Variants in PLD5 observed in about 807,000 individuals in gnomAD.
The protein encoded by PLD5 is inactive phospholipase D5.
Under a neutral mutation model 61.1 loss-of-function variants are expected in PLD5, and 36 were observed. The observed-to-expected ratio is 0.59, with a 90% CI of 0.45 to 0.78. PLD5 has a LOEUF of 0.78. PLD5 is among the 30% of genes least tolerant of loss of function. The pLI is 0.00. For synonymous variants in PLD5, 243 were observed against 242.8 expected, an observed-to-expected ratio of 1.00 and a Z score of -0.01; for missense variants, 515 against 644.4, an observed-to-expected ratio of 0.80 and a Z score of 2.17.
At chr1:242,303,182 G>T (rs1676160288) in intron 2 of PLD5, among the ~76,000 whole-genome samples, 1 of 152,188 alleles carries the variant, frequency 6.6e-6, no homozygotes, top group Non-Finnish European at 1.5e-5. Flanking sequence ...TGATAGAAAA[G>T]TTATAGCCAA....
chr1:242,340,577 T>C (rs1353031203), intron 2 of PLD5, among the ~76,000 whole-genome samples: 1 of 152,160 alleles, frequency 6.6e-6, no homozygotes. Context: ...TGGATATTTA[T>C]TGAAAATTTA....
In PLD5 at chr1:242,182,705, T is replaced by C. The variant is rs183621086; in HGVS notation, c.735+37283A>G. On this transcript the variant is annotated intron_variant, in intron 5 of 9. Transcript: ENST00000536534. ...TAAAAATACAAAAATTAGCCGGGCA[T>C]GGTGGCACACGCCCGAAATCCCAGC... Among the ~76,000 whole-genome samples the C allele has an allele frequency of 4.6e-5, 7 of 151,856 alleles. No individual in the cohort carries two copies. In the East Asian group the frequency reaches 1.2e-3, roughly 25 times the overall value.
chr1:242,174,734 T>C (rs1177106167), intron 5 of PLD5, among the ~76,000 whole-genome samples: 1 of 151,872 alleles, frequency 6.6e-6, no homozygotes, highest in Non-Finnish European at 1.5e-5. Flanking sequence ...AAATGATGAG[T>C]TCATGTCCTT....
At position 242,485,964 on chromosome 1, in the gene PLD5, A is replaced by T. The variant is rs148126977; in HGVS notation, c.189+38124T>A. On this transcript the variant is annotated intron_variant, in intron 1 of 9. Transcript: ENST00000536534. ...AACCTGACAAAAACAAGAAATGGGG[A>T]AAGGATTCCCTATTTAATAAATGGT... 8.3e-3 allele frequency among the ~76,000 whole-genome samples: 1,266 copies of T among 152,296 alleles called. 19 individuals are homozygous for T. Among genetic ancestry groups the T allele is most frequent in the African/African-American group, 0.029 (1,210 of 41,560 alleles).
chr1:242,516,474 T>C (rs973179605), intron 1 of PLD5, among the ~76,000 whole-genome samples: 3 of 152,056 alleles, frequency 2.0e-5, no homozygotes, highest in African/African-American at 7.2e-5. Flanking sequence ...TCATTTCACT[T>C]TCCAATTTAG....
chr1:242,490,585 C>G (rs1370213594), intron 1 of PLD5, among the ~76,000 whole-genome samples: 2 of 152,114 alleles, frequency 1.3e-5, no homozygotes, highest in African/African-American at 4.8e-5. Flanking sequence ...TGCATCAAAA[C>G]GTTCATTTAT....
Position 242,377,175 on chromosome 1 carries a change from A to AGAGAGAC in PLD5, c.190-28940_190-28934dup. Reference sequence around the variant, plus strand: ...GTGTACGATGAAGAGGTGTCTGGAGAGAGAGACGTGAGACGTGTAGCAGAG... The same window carrying AGAGAGAC: ...GTGTACGATGAAGAGGTGTCTGGAGAGAGAGACGAGAGACGTGAGACGTGTAGCAGAG... On this transcript the variant is annotated intron_variant, in intron 1 of 9. Transcript: ENST00000536534. 5.6e-6 allele frequency: 9 copies of AGAGAGAC among 1,611,568 alleles called. No homozygotes were observed. In the South Asian group the frequency reaches 8.8e-5, roughly 16 times the overall value.
chr1:242,205,082 G>A (rs527276108), intron 5 of PLD5, among the ~76,000 whole-genome samples: 23 of 152,264 alleles, frequency 1.5e-4, no homozygotes, highest in Admixed American at 1.4e-3. Flanking sequence ...CCGGGATAGA[G>A]ATTTTGAGAC....
chr1:242,441,696 C>A (rs987216958), intron 1 of PLD5, among the ~76,000 whole-genome samples: 1 of 151,990 alleles, frequency 6.6e-6, no homozygotes, highest in Non-Finnish European at 1.5e-5. Flanking sequence ...CAGACAGACA[C>A]CCCTCTTCCC....
intron 3 of PLD5, among the ~76,000 whole-genome samples, chr1:242,279,840 C>T (rs1171198068): frequency 6.6e-6 from 1 of 152,182 alleles, no homozygotes; most frequent in African/African-American, 2.4e-5. Flanking sequence ...CATCTCCTTT[C>T]TTCACCTAAA....
intron 5 of PLD5, among the ~76,000 whole-genome samples, chr1:242,161,130 C>G (rs915519441): frequency 5.3e-5 from 8 of 151,914 alleles, no homozygotes; most frequent in Non-Finnish European, 8.8e-5. Flanking sequence ...TCTGTTCTTA[C>G]GCTGCTAATA....
At chr1:242,173,703 T>C (rs755545752) in intron 5 of PLD5, among the ~76,000 whole-genome samples, 1 of 152,092 alleles carries the variant, frequency 6.6e-6, no homozygotes, top group Non-Finnish European at 1.5e-5. Flanking sequence ...AACAGAGATA[T>C]AGACCAATGG....
intron 2 of PLD5, among the ~76,000 whole-genome samples, chr1:242,312,634 G>A (rs546684409): frequency 3.9e-5 from 6 of 152,134 alleles, no homozygotes; most frequent in African/African-American, 1.2e-4. Flanking sequence ...ACTTTTAGCT[G>A]TCTGAGCTCC....
At chr1:242,305,332 A>G (rs1676288511) in intron 2 of PLD5, among the ~76,000 whole-genome samples, 1 of 152,160 alleles carries the variant, frequency 6.6e-6, no homozygotes, top group Non-Finnish European at 1.5e-5. Flanking sequence ...AACTGTAGTT[A>G]TTGTTATTTC....
At chr1:242,103,424 G>A (rs1351038939) in intron 8 of PLD5, among the ~76,000 whole-genome samples, 1 of 152,180 alleles carries the variant, frequency 6.6e-6, no homozygotes, top group South Asian at 2.1e-4. Context: ...CAACATGTAT[G>A]TTTTGAAAAC....
chr1:242,307,139 G>T (rs1185623759), intron 2 of PLD5, among the ~76,000 whole-genome samples: 1 of 152,142 alleles, frequency 6.6e-6, no homozygotes, highest in Non-Finnish European at 1.5e-5. Flanking sequence ...GGATTCTCCT[G>T]TATTTTAATA....
At chr1:242,310,090 G>T (rs956598255) in intron 2 of PLD5, among the ~76,000 whole-genome samples, 9 of 152,052 alleles carry the variant, frequency 5.9e-5, no homozygotes, top group African/African-American at 2.2e-4. Context: ...TCCTCACCAG[G>T]GGCTCCATAC....
At chr1:242,141,124 C>T (rs1664131791) in intron 5 of PLD5, among the ~76,000 whole-genome samples, 1 of 152,174 alleles carries the variant, frequency 6.6e-6, no homozygotes, top group South Asian at 2.1e-4. Context: ...CCCTGAACAG[C>T]TGGCTCCTTC....
At chr1:242,496,869 G>A (rs111974888) in intron 1 of PLD5, among the ~76,000 whole-genome samples, 1 of 152,214 alleles carries the variant, frequency 6.6e-6, no homozygotes, top group Non-Finnish European at 1.5e-5. Flanking sequence ...ATGTGACTAA[G>A]TTTTAGCCAG....
Sources: allele counts gnomAD v4.1 joint callset (sites outside exome capture counted in the v4.1 genomes callset), GRCh38; gene constraint gnomAD v4.1.1; transcripts MANE v1.5; gene names NCBI Gene and HGNC (gene_info 2026-07-23, HGNC 2026-07-21).